Variants in CPQ observed in about 807,000 individuals in gnomAD.
The protein encoded by CPQ is carboxypeptidase Q.
CPQ carries 37 observed loss-of-function variants against 45.7 expected under a neutral mutation model. That is an observed-to-expected ratio of 0.81 (90% confidence interval 0.62 to 1.07). The LOEUF (loss-of-function observed/expected upper bound fraction) is 1.07. Among genes scored for constraint, CPQ ranks in the 50% least tolerant of loss-of-function variants. The probability of loss-of-function intolerance (pLI) is 0.00; values close to 1 mark genes in which losing one functional copy is unlikely to be tolerated. For missense variants in CPQ, 537 were observed against 572.9 expected (o/e 0.94, Z 0.64); for synonymous variants, 186 against 205.8 (o/e 0.90, Z 0.82).
chr8:96,718,433 T>C, intron 1 of CPQ, among the ~76,000 whole-genome samples: 1 of 151,918 alleles, frequency 6.6e-6, no homozygotes. Flanking sequence ...GTTACAGCTC[T>C]TAAGGCAGCG....
chr8:97,021,735 ATCCC>A lies in CPQ; in HGVS notation c.962-7667_962-7664del, dbSNP rs529106225. ...AGACAACGCAAACAAATGGAAACAC[ATCCC>A]ATGCTTGTGAATAGGTAGAATCAAT... On this transcript the variant is annotated intron_variant, in intron 5 of 7. Transcript: ENST00000220763. Among the ~76,000 whole-genome samples, 20 of 152,360 alleles carry A rather than the reference ATCCC, an allele frequency of 1.3e-4. No individual in the cohort carries two copies. The East Asian group carries it at 3.7e-3, about 28-fold the overall frequency.
intron 1 of CPQ, among the ~76,000 whole-genome samples, chr8:96,677,810 G>C (rs1421437138): frequency 6.6e-6 from 1 of 151,956 alleles, no homozygotes; most frequent in Non-Finnish European, 1.5e-5. Context: ...TCAGGTCTTA[G>C]GTTTAAGTTT....
chr8:96,764,267 G>C (rs904272365), intron 1 of CPQ, among the ~76,000 whole-genome samples: 1 of 152,232 alleles, frequency 6.6e-6, no homozygotes, highest in Non-Finnish European at 1.5e-5. Flanking sequence ...ATAGAAGCCA[G>C]GTATAAGACG....
intron 7 of CPQ, among the ~76,000 whole-genome samples, chr8:97,131,851 C>T (rs990605239): frequency 3.3e-5 from 5 of 152,166 alleles, no homozygotes; most frequent in African/African-American, 1.2e-4. Context: ...GATTCCAATT[C>T]CAAACAATAA....
intron 4 of CPQ, among the ~76,000 whole-genome samples, chr8:96,884,749 T>C (rs1812276801): frequency 6.6e-6 from 1 of 152,194 alleles, no homozygotes; most frequent in Non-Finnish European, 1.5e-5. Flanking sequence ...TAGCAGACTT[T>C]CCTAAAATCA....
intron 6 of CPQ, among the ~76,000 whole-genome samples, chr8:97,035,427 T>C (rs1400520384): frequency 6.6e-6 from 1 of 152,178 alleles, no homozygotes; most frequent in African/African-American, 2.4e-5. Flanking sequence ...ATGTTTAACT[T>C]TACCAGAAAC....
chr8:96,879,824 A>G lies in CPQ; in HGVS notation c.668A>G (p.Gln223Arg). 1.2e-6 allele frequency: 2 copies of G among 1,614,054 alleles called. No homozygotes were observed. The highest frequency in any genetic ancestry group is 1.7e-6 in the Non-Finnish European group (2 of 1,179,922). Reference sequence around the variant, plus strand: ...CCTCACACAGGTATTCAGGAATACCAGGATGGCGTGCCCAAGATTCCAACA... The same window carrying G: ...CCTCACACAGGTATTCAGGAATACCGGGATGGCGTGCCCAAGATTCCAACA... ...YSPHTGIQEY[Q>R]DGVPKIPTAC... Residue 223 changes from glutamine to arginine, a missense_variant, in exon 4 of 8, where the codon CAG (glutamine) becomes CGG (arginine). Transcript: ENST00000220763.
chr8:97,140,674 T>C (rs9694688), intron 7 of CPQ, among the ~76,000 whole-genome samples: 2,906 of 152,130 alleles, frequency 0.019, 85 homozygotes, highest in African/African-American at 0.065. Flanking sequence ...CTGATCAAAA[T>C]CCAAAAATAC....
chr8:96,699,680 G>A lies in CPQ; in HGVS notation c.-35+54278G>A, dbSNP rs941454280. 2.0e-5 allele frequency among the ~76,000 whole-genome samples: 3 copies of A among 151,964 alleles called. No homozygotes were observed. In the East Asian group the frequency reaches 5.8e-4, roughly 29 times the overall value. On this transcript the variant is annotated intron_variant, in intron 1 of 7. Coordinates refer to ENST00000220763, the MANE Select transcript of CPQ (RefSeq NM_016134.4). ...ATATAAACCACAGTGTCATATTTGT[G>A]CTTCACTGCATTCAAACAAATTTTG...
At chr8:97,054,984 A>T (rs1810427446) in intron 6 of CPQ, among the ~76,000 whole-genome samples, 1 of 152,150 alleles carries the variant, frequency 6.6e-6, no homozygotes, top group Non-Finnish European at 1.5e-5. Context: ...ATAGGCATGG[A>T]GTTTTCTTCA....
chr8:96,847,607 C>G (rs1169901519), intron 3 of CPQ, among the ~76,000 whole-genome samples: 7 of 152,130 alleles, frequency 4.6e-5, no homozygotes, highest in Non-Finnish European at 7.4e-5. Flanking sequence ...GATAAGTCAA[C>G]TAATTAGGAG....
intron 4 of CPQ, among the ~76,000 whole-genome samples, chr8:96,916,833 C>T (rs1442257225): frequency 6.6e-6 from 1 of 151,988 alleles, no homozygotes; most frequent in Admixed American, 6.6e-5. Flanking sequence ...ATATTTTGTA[C>T]CATGCTTCCG....
At chr8:96,951,309 C>T (rs1813260926) in intron 4 of CPQ, among the ~76,000 whole-genome samples, 1 of 152,110 alleles carries the variant, frequency 6.6e-6, no homozygotes, top group Non-Finnish European at 1.5e-5. Context: ...TTGATGCTTT[C>T]TCTAAGGTCC....
chr8:96,806,751 C>T (rs1016173627), intron 2 of CPQ, among the ~76,000 whole-genome samples: 1 of 152,088 alleles, frequency 6.6e-6, no homozygotes, highest in Non-Finnish European at 1.5e-5. Context: ...ATGTTGAATA[C>T]TGTATTTAGA....
At chr8:96,942,252 A>G (rs1813134431) in intron 4 of CPQ, among the ~76,000 whole-genome samples, 2 of 152,146 alleles carry the variant, frequency 1.3e-5, no homozygotes, top group Non-Finnish European at 2.9e-5. Flanking sequence ...CCCTTCTTTC[A>G]TCCCCATAAT....
chr8:96,817,120 A>C (rs1011515765), intron 2 of CPQ, among the ~76,000 whole-genome samples: 1 of 152,198 alleles, frequency 6.6e-6, no homozygotes, highest in African/African-American at 2.4e-5. Context: ...TAGATCTTCT[A>C]ATAGAAGGCT....
intron 1 of CPQ, among the ~76,000 whole-genome samples, chr8:96,686,201 C>G (rs1354689894): frequency 1.3e-5 from 2 of 151,806 alleles, no homozygotes; most frequent in Non-Finnish European, 2.9e-5. Flanking sequence ...ATTTTACTGT[C>G]TAGTTATGTT....
At chr8:96,848,142 G>A (rs889777839) in intron 3 of CPQ, among the ~76,000 whole-genome samples, 3 of 151,962 alleles carry the variant, frequency 2.0e-5, no homozygotes, top group East Asian at 1.9e-4. Flanking sequence ...TTACTGCTCC[G>A]TAGAGTAAAT....
rs1812213911 is a variant in CPQ at position 96,880,777 on chromosome 8, C to T, written c.849+772C>T. 3.3e-5 allele frequency among the ~76,000 whole-genome samples: 5 copies of T among 151,378 alleles called. No individual in the cohort carries two copies. The South Asian group carries it at 8.4e-4, about 25-fold the overall frequency. On this transcript the variant is annotated intron_variant, in intron 4 of 7. Coordinates refer to ENST00000220763, the MANE Select transcript of CPQ (RefSeq NM_016134.4). ...GAATAGGCAATGGGGGCTCCAAAATCGGGGAGGGAGAGAGGGAAGCAAGGT... is the reference window on the plus strand; with the variant it reads ...GAATAGGCAATGGGGGCTCCAAAATTGGGGAGGGAGAGAGGGAAGCAAGGT...
Sources: allele counts gnomAD v4.1 joint callset (sites outside exome capture counted in the v4.1 genomes callset), GRCh38; gene constraint gnomAD v4.1.1; transcripts MANE v1.5; gene names NCBI Gene and HGNC (gene_info 2026-07-23, HGNC 2026-07-21).